The following CDC42BPA variants were observed in gnomAD, a reference collection of about 807,000 sequenced individuals.
The protein encoded by CDC42BPA is CDC42 binding protein kinase alpha.
In CDC42BPA, 80 loss-of-function variants were observed where a neutral mutation model predicts 223.5. That is an observed-to-expected ratio of 0.36 (90% CI 0.30 to 0.43). CDC42BPA has a LOEUF of 0.43. CDC42BPA is among the 20% of genes least tolerant of loss of function. CDC42BPA has a pLI of 1.00. For synonymous variants in CDC42BPA, 694 were observed against 718.6 expected, an observed-to-expected ratio of 0.97 and a Z score of 0.55; for missense variants, 1,743 against 2,099.9, an observed-to-expected ratio of 0.83 and a Z score of 3.32.
chr1:227,195,950 T>A (rs1670608267), intron 4 of CDC42BPA, among the ~76,000 whole-genome samples: 1 of 152,126 alleles, frequency 6.6e-6, no homozygotes, highest in Non-Finnish European at 1.5e-5. Context: ...TATTAACAGA[T>A]AATTCACATA....
intron 14 of CDC42BPA, among the ~76,000 whole-genome samples, chr1:227,104,541 C>T (rs933897514): frequency 6.6e-6 from 1 of 152,100 alleles, no homozygotes; most frequent in African/African-American, 2.4e-5. Flanking sequence ...ATGCTTATTA[C>T]ACTATTAAGT....
intron 11 of CDC42BPA, among the ~76,000 whole-genome samples, chr1:227,125,430 A>G (rs1359571717): frequency 1.3e-5 from 2 of 151,730 alleles, no homozygotes; most frequent in East Asian, 3.9e-4. Context: ...CAGGCAACAC[A>G]GCGAGACCCC....
At chr1:227,286,906 G>C (rs1196578398) in intron 1 of CDC42BPA, among the ~76,000 whole-genome samples, 1 of 152,132 alleles carries the variant, frequency 6.6e-6, no homozygotes, top group Non-Finnish European at 1.5e-5. Flanking sequence ...GGGAGCAATG[G>C]GGAGTGGGGA....
chr1:227,283,212 G>A (rs1299544800), intron 1 of CDC42BPA, among the ~76,000 whole-genome samples: 2 of 151,988 alleles, frequency 1.3e-5, no homozygotes, highest in African/African-American at 4.8e-5. Context: ...AGTACATATA[G>A]TCTCATTTGT....
chr1:227,296,180 T>A, intron 1 of CDC42BPA, among the ~76,000 whole-genome samples: 1 of 152,162 alleles, frequency 6.6e-6, no homozygotes, highest in East Asian at 1.9e-4. Flanking sequence ...ATCAATGGAA[T>A]AGAACTGAGA....
chr1:227,311,481 A>G (rs1472768582), intron 1 of CDC42BPA, among the ~76,000 whole-genome samples: 1 of 152,214 alleles, frequency 6.6e-6, no homozygotes, highest in African/African-American at 2.4e-5. Context: ...TCTACCCTAG[A>G]GTTCAGCTGA....
At chr1:227,193,447 T>C (rs773340249) in intron 5 of CDC42BPA, among the ~76,000 whole-genome samples, 1 of 152,058 alleles carries the variant, frequency 6.6e-6, no homozygotes, top group Admixed American at 6.6e-5. Context: ...TGCAATATAG[T>C]GTACCCATCA....
intron 23 of CDC42BPA, among the ~76,000 whole-genome samples, chr1:227,043,560 G>A (rs1671818300): frequency 6.6e-6 from 1 of 151,792 alleles, no homozygotes; most frequent in African/African-American, 2.4e-5. Flanking sequence ...AATATTAGGT[G>A]CAACAAACTA....
intron 2 of CDC42BPA, among the ~76,000 whole-genome samples, chr1:227,226,787 A>C (rs1011109457): frequency 2.0e-5 from 3 of 152,208 alleles, no homozygotes; most frequent in Non-Finnish European, 4.4e-5. Context: ...GACAGACAAT[A>C]TAAGTTGTCA....
intron 20 of CDC42BPA, among the ~76,000 whole-genome samples, chr1:227,071,940 C>T (rs772824606): frequency 4.6e-5 from 7 of 151,342 alleles, no homozygotes; most frequent in Admixed American, 1.3e-4. Context: ...TGAAAAAAAA[C>T]GTCAAATTTA....
At chr1:227,063,267 A>C (rs1158558131) in intron 21 of CDC42BPA, among the ~76,000 whole-genome samples, 1 of 152,194 alleles carries the variant, frequency 6.6e-6, no homozygotes, top group East Asian at 1.9e-4. Context: ...CCTTGTCTTA[A>C]TGTGCAACCA....
At chr1:227,228,807 T>C (rs1479502283) in intron 2 of CDC42BPA, among the ~76,000 whole-genome samples, 2 of 152,202 alleles carry the variant, frequency 1.3e-5, no homozygotes, top group Non-Finnish European at 2.9e-5. Flanking sequence ...CATGTACATA[T>C]TGTCCATATG....
At chr1:227,205,605 A>C (rs1347777497) in intron 3 of CDC42BPA, among the ~76,000 whole-genome samples, 1 of 152,082 alleles carries the variant, frequency 6.6e-6, no homozygotes, top group Non-Finnish European at 1.5e-5. Context: ...CAATTATAAA[A>C]ATAGCCAAAC....
At chr1:227,316,690 A>G (rs1694458681) in intron 1 of CDC42BPA, among the ~76,000 whole-genome samples, 1 of 152,218 alleles carries the variant, frequency 6.6e-6, no homozygotes, top group Admixed American at 6.5e-5. Flanking sequence ...GTATTAGGCA[A>G]CTGTAACCAA....
intron 32 of CDC42BPA, among the ~76,000 whole-genome samples, chr1:227,022,433 CAA>C (rs561270900): frequency 4.9e-5 from 7 of 142,024 alleles, no homozygotes; most frequent in African/African-American, 1.8e-4. Context: ...ACTCCCGTCT[CAA>C]AAAAAAAAAA....
chr1:227,012,345 T>G (rs1665385691), intron 34 of CDC42BPA, among the ~76,000 whole-genome samples: 1 of 152,116 alleles, frequency 6.6e-6, no homozygotes, highest in Non-Finnish European at 1.5e-5. Flanking sequence ...TTCAAGAAAA[T>G]GAATATAGCA....
chr1:227,193,067 T>C (rs906366325), intron 5 of CDC42BPA, among the ~76,000 whole-genome samples: 6 of 141,364 alleles, frequency 4.2e-5, no homozygotes, highest in African/African-American at 1.6e-4. Flanking sequence ...TGAGAACTTT[T>C]TTTTTTTTTT....
chr1:227,275,332 A>C (rs1479994977), intron 1 of CDC42BPA, among the ~76,000 whole-genome samples: 1 of 152,024 alleles, frequency 6.6e-6, no homozygotes, highest in Admixed American at 6.6e-5. Context: ...AGAAATCTAA[A>C]GTCTTAATAC....
chr1:227,232,966 C>T (rs936312963), intron 2 of CDC42BPA, among the ~76,000 whole-genome samples: 5 of 152,288 alleles, frequency 3.3e-5, no homozygotes, highest in Admixed American at 1.3e-4. Context: ...ATGGCGGACA[C>T]GCCTCCCCGA....
Sources: gnomAD v4.1 joint callset for allele counts (sites outside exome capture counted in the v4.1 genomes callset) on GRCh38, gnomAD v4.1.1 for gene constraint, MANE v1.5 for transcripts, NCBI Gene and HGNC (gene_info 2026-07-23, HGNC 2026-07-21) for gene names.